The following KIF17 variants were observed in gnomAD, a reference collection of about 807,000 sequenced individuals.
The protein encoded by KIF17 is kinesin-like protein KIF17.
KIF17 carries 80 observed loss-of-function variants against 96.8 expected under a neutral mutation model. The ratio of observed to expected loss-of-function variants is 0.83; its 90% CI spans 0.69 to 1.00. The LOEUF is 1.00. Among genes scored for constraint, KIF17 ranks in the 50% least tolerant of loss-of-function variants. The pLI, the probability that KIF17 is intolerant of heterozygous loss-of-function variation, is 0.00. For missense variants in KIF17, 1,280 were observed against 1,372.9 expected, an observed-to-expected ratio of 0.93 and a Z score of 1.07; for synonymous variants, 567 against 587.5, an observed-to-expected ratio of 0.97 and a Z score of 0.51.
intron 1 of KIF17, among the ~76,000 whole-genome samples, chr1:20,717,148 G>A (rs760435687): frequency 6.6e-6 from 1 of 152,188 alleles, no homozygotes; most frequent in Non-Finnish European, 1.5e-5. Flanking sequence ...GGCCAACATG[G>A]TGAAACCCCA....
At chr1:20,690,379 T>C in intron 6 of KIF17, 44 bp from the exon 7 acceptor site, 3 of 1,574,972 alleles carry the variant, frequency 1.9e-6, no homozygotes, top group Non-Finnish European at 2.6e-6. Context: ...CATTTTATCA[T>C]CATTTTGAAA....
intron 6 of KIF17, among the ~76,000 whole-genome samples, chr1:20,694,814 C>A (rs1201789363): frequency 6.6e-6 from 1 of 152,132 alleles, no homozygotes; most frequent in Non-Finnish European, 1.5e-5. Flanking sequence ...AGCCCTGCAG[C>A]CCTCTCCTCC....
intron 11 of KIF17, among the ~76,000 whole-genome samples, chr1:20,677,899 C>T (rs2053766356): frequency 6.6e-6 from 1 of 152,166 alleles, no homozygotes. Flanking sequence ...ACTGCTGTGA[C>T]CTTCAGGATA....
At position 20,715,512 on chromosome 1, in the gene KIF17, T is replaced by A. The variant is rs574280002; in HGVS notation, c.359A>T (p.His120Leu). The A allele has an allele frequency of 1.2e-6, 2 of 1,613,316 alleles. No homozygotes were observed. The highest frequency in any genetic ancestry group is 1.1e-5 in the South Asian group (1 of 91,076). The change falls in exon 2 of 15, where the codon CAC becomes CTC. Residue 120 changes from histidine (H) to leucine (L), a missense_variant. By Grantham distance (99) the His-to-Leu change is moderately conservative (BLOSUM62 -3). Transcript: ENST00000400463. ...QRGIIPRAFE[H>L]VFESVQCAEN... is the part of the protein sequence containing the mutation. ...CCGTACCTGGACGCTCTCGAACACGTGCTCGAAGGCCCTGGGGATGATGCC... is the reference window on the plus strand; with the variant it reads ...CCGTACCTGGACGCTCTCGAACACGAGCTCGAAGGCCCTGGGGATGATGCC...
At chr1:20,688,817 C>T (rs1045817829) in intron 7 of KIF17, among the ~76,000 whole-genome samples, 1 of 152,226 alleles carries the variant, frequency 6.6e-6, no homozygotes, top group Non-Finnish European at 1.5e-5. Context: ...GGAGGGAACA[C>T]TCCAAAGGGC....
At chr1:20,696,184 C>T (rs1432740806) in intron 6 of KIF17, among the ~76,000 whole-genome samples, 1 of 152,126 alleles carries the variant, frequency 6.6e-6, no homozygotes, top group Non-Finnish European at 1.5e-5. Context: ...AGACTGGGGA[C>T]CGGAACCCGG....
chr1:20,697,991 C>G (rs551781982), intron 6 of KIF17, among the ~76,000 whole-genome samples: 115 of 152,328 alleles, frequency 7.5e-4, no homozygotes, highest in Middle Eastern at 6.8e-3. Context: ...TCCTCCCCAC[C>G]CTGACTGCCT....
chr1:20,701,909 G>C (rs934393681), intron 5 of KIF17, among the ~76,000 whole-genome samples: 5 of 152,166 alleles, frequency 3.3e-5, no homozygotes, highest in Non-Finnish European at 7.4e-5. Flanking sequence ...AAGTTTTGTT[G>C]AAAGGGAAAA....
At chr1:20,667,757 C>T (rs1309999160) in intron 13 of KIF17, among the ~76,000 whole-genome samples, 2 of 152,352 alleles carry the variant, frequency 1.3e-5, no homozygotes, top group East Asian at 3.9e-4. Context: ...CCTGTAATCC[C>T]AGCACTTTGG....
chr1:20,704,761 A>G lies in KIF17; in HGVS notation c.809T>C (p.Leu270Pro), dbSNP rs1214369075. 4.3e-6 allele frequency: 7 copies of G among 1,612,110 alleles called. No individual in the cohort carries two copies. Among genetic ancestry groups the G allele is most frequent in the Non-Finnish European group, 5.9e-6 (7 of 1,179,446 alleles). The stretch of plus-strand genomic sequence containing the variant: ...CACCAGCGCCGAGATGACATTGCCC[A>G]GTGCCGAGAGCGACAGGTTGATCTT... ...ATKINLSLSALGNVISALVDG... is the reference protein window; with the variant it reads ...ATKINLSLSAPGNVISALVDG... Residue 270 changes from leucine (L) to proline (P), a missense_variant, in exon 5 of 15, where the codon CTG becomes CCG. Leu to Pro is a moderately conservative substitution (Grantham distance 98). Transcript: ENST00000400463. The surrounding 1 kb of genome is among the most constrained non-coding windows in gnomAD (Gnocchi z 6.8).
chr1:20,698,617 C>T, intron 5 of KIF17, 129 bp from the exon 6 acceptor site: 1 of 646,236 alleles, frequency 1.5e-6, no homozygotes, highest in Non-Finnish European at 2.8e-6. Flanking sequence ...TTATTTCAAA[C>T]ACATCTCCAT....
intron 2 of KIF17, among the ~76,000 whole-genome samples, 159 bp downstream of exon 2, chr1:20,715,333 GT>G (rs1234044872): frequency 6.6e-6 from 1 of 152,176 alleles, no homozygotes; most frequent in South Asian, 2.1e-4. Context: ...TCTGTTCTAA[GT>G]TTTTTTCCCA....
At position 20,669,228 on chromosome 1, in the gene KIF17, G is replaced by A. The variant is rs184021957; in HGVS notation, c.2790+1193C>T. Reference sequence around the variant, plus strand: ...AGCTCCCAGCTAACTTAAAAAACTGGAAGAGTTTCGTTGAAAACACCCCGC... The same window carrying A: ...AGCTCCCAGCTAACTTAAAAAACTGAAAGAGTTTCGTTGAAAACACCCCGC... On this transcript the variant is annotated intron_variant, in intron 13 of 14. Transcript: ENST00000400463. 9.5e-4 allele frequency among the ~76,000 whole-genome samples: 145 copies of A among 152,156 alleles called. 1 individual carries two copies. The highest frequency in any genetic ancestry group is 3.3e-3 in the African/African-American group (138 of 41,546).
intron 11 of KIF17, among the ~76,000 whole-genome samples, chr1:20,681,512 C>T (rs1027034937): frequency 1.4e-4 from 21 of 150,274 alleles, no homozygotes; most frequent in African/African-American, 4.1e-4. Context: ...AAGTTTTATG[C>T]TTGGCAAGAT....
At chr1:20,663,448 G>GC (rs1319326008), downstream of KIF17, among the ~76,000 whole-genome samples, 3 of 152,164 alleles carry the variant, frequency 2.0e-5, no homozygotes, top group Non-Finnish European at 4.4e-5. Flanking sequence ...CACCTGCTAT[G>GC]CCCCAGGAGC....
At position 20,699,331 on chromosome 1, in the gene KIF17, T is replaced by C. The variant is rs1269449318; in HGVS notation, c.1124-843A>G. 6.6e-6 allele frequency among the ~76,000 whole-genome samples: 1 copy of C among 151,878 alleles called. No individual in the cohort carries two copies. The highest frequency in any genetic ancestry group is 1.9e-4 in the East Asian group (1 of 5,172). ...CAGCACTTTGGGAGGCCTAGGCGGG[T>C]GGATCACTTGAGGTCAGGAGTTCAA... On this transcript the variant is annotated intron_variant, in intron 5 of 14. Coordinates refer to ENST00000400463, the MANE Select transcript of KIF17 (RefSeq NM_001122819.3). The surrounding 1 kb of genome is among the most constrained non-coding windows in gnomAD (Gnocchi z 4.3).
Position 20,672,099 on chromosome 1 carries a change from G to A in KIF17, c.2561C>T (p.Ser854Phe), listed in dbSNP as rs752207289. The change falls in exon 12 of 15, where the codon TCC becomes TTC. Residue 854 changes from serine to phenylalanine, a missense_variant. Coordinates refer to ENST00000400463, the MANE Select transcript of KIF17 (RefSeq NM_001122819.3). The surrounding 1 kb of genome is among the most constrained non-coding windows in gnomAD (Gnocchi z 4.3). ...LATIRRQERDSMLLQQLLEQV... is the reference protein window; with the variant it reads ...LATIRRQERDFMLLQQLLEQV... ...CTCCAGGAGCTGCTGCAAGAGCATG[G>A]AGTCACGCTCCTGCCGGCGGATGGT... 3 of 1,614,196 alleles carry A rather than the reference G, an allele frequency of 1.9e-6. No homozygotes were observed. Among genetic ancestry groups the A allele is most frequent in the Non-Finnish European group, 1.7e-6 (2 of 1,180,042 alleles).
chr1:20,685,090 G>A lies in KIF17; in HGVS notation c.2020-70C>T, dbSNP rs1277679937. ...AACCCCCGCCGACAGCTCCCAGGTG[G>A]CTCAATCCCAGACGGGGCCATTCCG... On this transcript the variant is annotated intron_variant, in intron 9 of 14. Transcript: ENST00000400463. The surrounding 1 kb of genome is among the most constrained non-coding windows in gnomAD (Gnocchi z 4.1). 2 of 1,297,010 alleles carry A rather than the reference G, an allele frequency of 1.5e-6. No homozygotes were observed. Among genetic ancestry groups the A allele is most frequent in the Admixed American group, 2.0e-5 (1 of 50,738 alleles). The allele number at this position is 1,297,010 out of a possible 1,614,324, so 80.3% of individuals were successfully genotyped here.
intron 1 of KIF17, among the ~76,000 whole-genome samples, chr1:20,716,151 G>A (rs1407090208): frequency 6.6e-6 from 1 of 151,616 alleles, no homozygotes; most frequent in East Asian, 1.9e-4. Context: ...GGGAGGCTGA[G>A]GCAGGAGAAT....
Sources: gnomAD v4.1 joint callset for allele counts (sites outside exome capture counted in the v4.1 genomes callset) on GRCh38, gnomAD v4.1.1 for gene constraint, Gnocchi (gnomAD v3.1) non-coding constraint, MANE v1.5 for transcripts, NCBI Gene and HGNC (gene_info 2026-07-23, HGNC 2026-07-21) for gene names.